Variants in HECW2 observed in about 807,000 individuals in gnomAD.
HECW2 encodes HECT, C2 and WW domain containing E3 ubiquitin protein ligase 2, also known as E3 ubiquitin-protein ligase HECW2.
A neutral mutation model predicts 175.2 loss-of-function variants in HECW2; 61 were observed. The observed-to-expected ratio is 0.35, with a 90% CI of 0.28 to 0.43. The LOEUF (loss-of-function observed/expected upper bound fraction) is 0.43. Ranked by LOEUF, HECW2 falls within the 20% of genes least tolerant of loss-of-function variation. The probability of loss-of-function intolerance (pLI) is 1.00; values close to 1 mark genes in which losing one functional copy is unlikely to be tolerated. For missense variants in HECW2, 1,524 were observed against 2,000.5 expected (o/e 0.76, Z 4.54); for synonymous variants, 671 against 731.0 (o/e 0.92, Z 1.32).
intron 2 of HECW2, among the ~76,000 whole-genome samples, chr2:196,369,432 T>C (rs1693846883): frequency 6.7e-6 from 1 of 150,084 alleles, no homozygotes; most frequent in Non-Finnish European, 1.5e-5. Context: ...GGACTCCTGT[T>C]GTCACCACCA....
rs1276642105 is a variant in HECW2, at chr2:196,429,414, G to C, written c.292+3718C>G. Among the ~76,000 whole-genome samples, 4 of 152,160 alleles carry C rather than the reference G, an allele frequency of 2.6e-5. No individual in the cohort carries two copies. In the East Asian group the frequency reaches 7.7e-4, roughly 29 times the overall value. On this transcript the variant is annotated intron_variant, in intron 2 of 28. Transcript: ENST00000644978. The stretch of plus-strand genomic sequence containing the variant: ...AATCTATTAGAAAATACAGTAAGAA[G>C]TGACAACATAGATGTAAGCAATCAA...
At position 196,195,206 on chromosome 2, in the gene HECW2, C is replaced by T. The variant is rs1171917925; in HGVS notation, c.*6071G>A. On this transcript the variant is annotated 3_prime_UTR_variant, in exon 29 of 29. Transcript: ENST00000644978. ...CCTGGTTAATCCTTCCAAGGTAATT[C>T]CTGAACATCATCCATTCTTTTTTAT... 1 of 152,168 alleles carries T rather than the reference C, an allele frequency of 6.6e-6. No individual in the cohort carries two copies. The highest frequency in any genetic ancestry group is 1.5e-5 in the Non-Finnish European group (1 of 68,020). 9.4% of individuals were successfully genotyped at this position (152,168 alleles called of 1,614,324 possible). A position where few individuals can be genotyped will look rare whatever the true frequency, so the allele number is the denominator to read the frequency against.
At chr2:196,335,792 T>C (rs531287345) in intron 3 of HECW2, among the ~76,000 whole-genome samples, 1 of 152,336 alleles carries the variant, frequency 6.6e-6, no homozygotes, top group South Asian at 2.1e-4. Context: ...ATAAGCATCA[T>C]TGGCCAGAAG....
chr2:196,501,391 T>C (rs1687573576), intron 1 of HECW2, among the ~76,000 whole-genome samples: 1 of 152,132 alleles, frequency 6.6e-6, no homozygotes, highest in Non-Finnish European at 1.5e-5. Context: ...GATTTTTGTA[T>C]TTTTAGTAGA....
chr2:196,299,993 T>C (rs774706250), intron 13 of HECW2, among the ~76,000 whole-genome samples: 2 of 152,184 alleles, frequency 1.3e-5, no homozygotes, highest in East Asian at 1.9e-4. Context: ...CAGTCTCTAC[T>C]TGAAACAATG....
intron 28 of HECW2, 39 bp from the exon 29 acceptor site, chr2:196,201,427 C>A (rs529702579): frequency 7.0e-7 from 1 of 1,431,932 alleles, no homozygotes; most frequent in South Asian, 1.1e-5. Flanking sequence ...TAGAACAGGC[C>A]GAGTGAAATG....
intron 10 of HECW2, chr2:196,316,557 T>C (rs1691706378): frequency 6.6e-6 from 1 of 152,232 alleles, no homozygotes. Flanking sequence ...ATTGCTCTCA[T>C]AGAGCTACAT....
At chr2:196,381,118 AGCT>A (rs904078081) in intron 2 of HECW2, among the ~76,000 whole-genome samples, 3 of 152,184 alleles carry the variant, frequency 2.0e-5, no homozygotes, top group African/African-American at 7.2e-5. Flanking sequence ...CCGGCTTCTC[AGCT>A]GCCATTTACA....
Position 196,306,513 on chromosome 2 carries a change from A to G in HECW2, c.2789T>C (p.Phe930Ser). 1 of 1,611,158 alleles carries G rather than the reference A, an allele frequency of 6.2e-7. No individual in the cohort carries two copies. Among genetic ancestry groups the G allele is most frequent in the Non-Finnish European group, 8.5e-7 (1 of 1,178,702 alleles). ...PPVKFLISPE[F>S]FTVLHSNPSA... ...AGGGTTAGAATGCAGCACGGTGAAG[A>G]ACTCTGGGCTGATGAGGAACTTCAC... Residue 930 changes from phenylalanine (F) to serine (S), a missense_variant, in exon 13 of 29, where the codon TTC (phenylalanine) becomes TCC (serine). Around this residue, in one of 11 missense-constraint regions of HECW2, gnomAD observed 105 missense variants for 98.1 expected, o/e 1.07. Transcript: ENST00000644978.
intron 2 of HECW2, among the ~76,000 whole-genome samples, chr2:196,351,521 C>T (rs1192278963): frequency 1.3e-5 from 2 of 152,156 alleles, no homozygotes; most frequent in Non-Finnish European, 2.9e-5. Context: ...ATCCAAAGCA[C>T]TTACCCTCCT....
chr2:196,409,056 C>T (rs1305790823), intron 2 of HECW2, among the ~76,000 whole-genome samples: 1 of 152,078 alleles, frequency 6.6e-6, no homozygotes, highest in African/African-American at 2.4e-5. Flanking sequence ...TGAAATTGGC[C>T]ATGGTAGAAG....
At chr2:196,407,803 A>G (rs1263799839) in intron 2 of HECW2, among the ~76,000 whole-genome samples, 1 of 152,244 alleles carries the variant, frequency 6.6e-6, no homozygotes, top group Non-Finnish European at 1.5e-5. Context: ...GTGTTCCTAT[A>G]AAATAAAGTT....
At chr2:196,210,119 CG>C (rs1331578533) in intron 28 of HECW2, among the ~76,000 whole-genome samples, 1 of 152,098 alleles carries the variant, frequency 6.6e-6, no homozygotes, top group Non-Finnish European at 1.5e-5. Context: ...GGTTATTTTC[CG>C]GTATACTGGC....
chr2:196,221,595 C>T (rs377644553), intron 24 of HECW2, among the ~76,000 whole-genome samples: 5 of 152,104 alleles, frequency 3.3e-5, no homozygotes, highest in African/African-American at 1.2e-4. Context: ...GTCTCACTCT[C>T]GTCCCCCAGG....
chr2:196,329,520 T>C, intron 5 of HECW2, 55 bp downstream of exon 5: 8 of 1,427,252 alleles, frequency 5.6e-6, no homozygotes, highest in Non-Finnish European at 7.9e-6. Context: ...TGACTATTCA[T>C]ACCTTCGAAA....
intron 1 of HECW2, among the ~76,000 whole-genome samples, chr2:196,521,132 C>A (rs1229320172): frequency 6.6e-6 from 1 of 151,856 alleles, no homozygotes; most frequent in East Asian, 1.9e-4. Context: ...AATCAAAGCT[C>A]TTTTGTAGGT....
rs1169181634 is a variant in HECW2, at chr2:196,444,451, C to A, written c.-35-10993G>T. Among the ~76,000 whole-genome samples, 3 of 152,134 alleles carry A rather than the reference C, an allele frequency of 2.0e-5. No homozygotes were observed. The East Asian group carries it at 5.8e-4, about 29-fold the overall frequency. ...CAATTCTATCATGCAGTCTATACTC[C>A]ATAGAGTACATTTTTAACCCTTAAT... On this transcript the variant is annotated intron_variant, in intron 1 of 28. Coordinates refer to ENST00000644978, the MANE Select transcript of HECW2 (RefSeq NM_001348768.2).
At chr2:196,425,227 A>G (rs918292950) in intron 2 of HECW2, among the ~76,000 whole-genome samples, 33 of 1,248 alleles carry the variant, frequency 0.026, no homozygotes, top group Non-Finnish European at 0.035. Context: ...ACTGCTTGGA[A>G]AAAAAAAAAA....
At chr2:196,291,214 A>T (rs1218487386) in intron 14 of HECW2, 1 of 151,930 alleles carries the variant, frequency 6.6e-6, no homozygotes, top group African/African-American at 2.4e-5. Flanking sequence ...TTGAATGTTG[A>T]TATACTTTAC....
Sources: allele counts gnomAD v4.1 joint callset (sites outside exome capture counted in the v4.1 genomes callset), GRCh38; gene constraint gnomAD v4.1.1; regional missense constraint gnomAD v4.1.1; transcripts MANE v1.5; gene names NCBI Gene and HGNC (gene_info 2026-07-23, HGNC 2026-07-21).